MPRIP: variants seen among roughly 807,000 people sequenced by gnomAD.
MPRIP encodes myosin phosphatase Rho-interacting protein.
MPRIP carries 59 observed loss-of-function variants against 234.9 expected under a neutral mutation model. That is an observed-to-expected ratio of 0.25 (90% CI 0.20 to 0.31). The LOEUF (loss-of-function observed/expected upper bound fraction) is 0.31. Among genes scored for constraint, MPRIP ranks in the 10% least tolerant of loss-of-function variants. The pLI is 1.00. For synonymous variants in MPRIP, 1,144 were observed against 1,263.9 expected (o/e 0.91, Z 2.01); for missense variants, 2,436 against 3,071.0 (o/e 0.79, Z 4.89).
At chr17:17,119,421 A>T (rs866870406) in intron 3 of MPRIP, among the ~76,000 whole-genome samples, 8 of 152,216 alleles carry the variant, frequency 5.3e-5, no homozygotes, top group Non-Finnish European at 1.0e-4. Context: ...TGTGCAAACA[A>T]TTGTTAAGTC....
At chr17:17,080,213 A>G (rs2089430947) in intron 3 of MPRIP, among the ~76,000 whole-genome samples, 8 of 152,126 alleles carry the variant, frequency 5.3e-5, no homozygotes, top group Admixed American at 5.2e-4. Flanking sequence ...GTCACAGGGG[A>G]AGGTTGCAAG....
intron 3 of MPRIP, among the ~76,000 whole-genome samples, chr17:17,111,726 T>TA (rs1234248825): frequency 6.6e-6 from 1 of 152,190 alleles, no homozygotes; most frequent in Non-Finnish European, 1.5e-5. Flanking sequence ...ACTCAGCTGT[T>TA]ACGGGCGGTA....
Position 17,165,882 on chromosome 17 carries a change from G to C in MPRIP, c.4291G>C (p.Glu1431Gln), listed in dbSNP as rs1399985195. ...QWAGTEAQLR[E>Q]QLRASLLQVG... Reference sequence around the variant, plus strand: ...GGCGGGCACCGAGGCCCAGCTGCGTGAGCAGCTCCGCGCCAGCCTGCTCCA... The same window carrying C: ...GGCGGGCACCGAGGCCCAGCTGCGTCAGCAGCTCCGCGCCAGCCTGCTCCA... Residue 1431 changes from glutamate to glutamine, a missense_variant, in exon 16 of 24, where the codon GAG becomes CAG. Transcript: ENST00000651222. 1 of 1,303,994 alleles carries C rather than the reference G, an allele frequency of 7.7e-7. No homozygotes were observed. The highest frequency in any genetic ancestry group is 1.2e-5 in the South Asian group (1 of 80,986). The allele number at this position is 1,303,994 out of a possible 1,614,324, so 80.8% of individuals were successfully genotyped here.
At chr17:17,119,436 G>A (rs2090347403) in intron 3 of MPRIP, among the ~76,000 whole-genome samples, 1 of 152,238 alleles carries the variant, frequency 6.6e-6, no homozygotes, top group South Asian at 2.1e-4. Flanking sequence ...TAAGTCCAGG[G>A]AGGAAAGATG....
chr17:17,152,084 C>T (rs141028871), intron 12 of MPRIP, among the ~76,000 whole-genome samples: 2 of 152,366 alleles, frequency 1.3e-5, no homozygotes, highest in African/African-American at 4.8e-5. Flanking sequence ...AAATCCTGGC[C>T]GCCAGCCCAC....
intron 4 of MPRIP, among the ~76,000 whole-genome samples, chr17:17,128,757 TGC>T (rs1279694633): frequency 2.0e-5 from 3 of 152,210 alleles, no homozygotes; most frequent in Non-Finnish European, 4.4e-5. Flanking sequence ...GATGCTCAGC[TGC>T]GTGAGGGAGT....
At chr17:17,135,027 A>G (rs2090667315) in intron 5 of MPRIP, among the ~76,000 whole-genome samples, 2 of 152,232 alleles carry the variant, frequency 1.3e-5, no homozygotes, top group South Asian at 4.1e-4. Flanking sequence ...GGAAGTGGGC[A>G]CTTGTATATC....
chr17:17,116,145 GA>G (rs2090281598), intron 3 of MPRIP, among the ~76,000 whole-genome samples: 1 of 152,212 alleles, frequency 6.6e-6, no homozygotes, highest in Non-Finnish European at 1.5e-5. Context: ...GCACATATTG[GA>G]AGGTGCTGAC....
rs71355536 is a variant in MPRIP, at chr17:17,082,285, A to ATTTTTTT, written c.267+4230_267+4236dup. 4.0e-3 allele frequency among the ~76,000 whole-genome samples: 352 copies of ATTTTTTT among 88,700 alleles called. 26 individuals are homozygous for ATTTTTTT. Among genetic ancestry groups the ATTTTTTT allele is most frequent in the African/African-American group, 0.013 (283 of 21,730 alleles). 58.2% of individuals were successfully genotyped at this position (88,700 alleles called of 152,430 possible). A position where few individuals can be genotyped will look rare whatever the true frequency, so the allele number is the denominator to read the frequency against. On this transcript the variant is annotated intron_variant, in intron 3 of 23. Coordinates refer to ENST00000651222, the MANE Select transcript of MPRIP (RefSeq NM_001364716.4). Reference sequence around the variant, plus strand: ...AAAAGCTGATCAAATGCTTTTTCCAATTTTTTTTTTTTTTTTTTTTTTTTT... The same window carrying ATTTTTTT: ...AAAAGCTGATCAAATGCTTTTTCCAATTTTTTTTTTTTTTTTTTTTTTTTTTTTTTTT...
intron 3 of MPRIP, chr17:17,096,795 C>T (rs1401155721): frequency 4.2e-6 from 2 of 471,054 alleles, no homozygotes; most frequent in African/African-American, 2.0e-5. Flanking sequence ...CTCCTTGGGG[C>T]CTGGGGAAAC....
chr17:17,143,095 G>A (rs544149926), intron 8 of MPRIP, among the ~76,000 whole-genome samples: 3 of 152,216 alleles, frequency 2.0e-5, no homozygotes, highest in Non-Finnish European at 2.9e-5. Flanking sequence ...TACACCCCTC[G>A]TTTCTCCACT....
At chr17:17,136,194 C>CA (rs1261822752) in intron 5 of MPRIP, 25 bp from the exon 6 acceptor site, 1 of 1,613,596 alleles carries the variant, frequency 6.2e-7, no homozygotes, top group Non-Finnish European at 8.5e-7. Context: ...TGCACCTTCA[C>CA]AGACACCACT....
In MPRIP at chr17:17,152,673, G is replaced by T. The variant is rs551167288; in HGVS notation, c.1720-1633G>T. 3.3e-5 allele frequency among the ~76,000 whole-genome samples: 5 copies of T among 152,356 alleles called. No homozygotes were observed. The East Asian group carries it at 5.8e-4, about 18-fold the overall frequency. On this transcript the variant is annotated intron_variant, in intron 12 of 23. Coordinates refer to ENST00000651222, the MANE Select transcript of MPRIP (RefSeq NM_001364716.4). ...GCTAGAGTGCTGGGTGGAGAGTCAG[G>T]TTGGCGCTGGTCCAGCCTTTGTGGA... is the stretch of plus-strand genomic sequence containing the variant.
chr17:17,102,646 A>G (rs1217697634), intron 3 of MPRIP, among the ~76,000 whole-genome samples: 1 of 151,946 alleles, frequency 6.6e-6, no homozygotes, highest in Non-Finnish European at 1.5e-5. Flanking sequence ...TGCGCTTGGT[A>G]TACACACCCC....
chr17:17,134,797 C>T (rs1051593355), intron 5 of MPRIP, among the ~76,000 whole-genome samples: 24 of 152,208 alleles, frequency 1.6e-4, no homozygotes, highest in African/African-American at 5.3e-4. Flanking sequence ...CTTCTGTCAG[C>T]GCCTGCGGCC....
chr17:17,056,511 C>G (rs1410838693), intron 1 of MPRIP, among the ~76,000 whole-genome samples: 1 of 152,068 alleles, frequency 6.6e-6, no homozygotes, highest in African/African-American at 2.4e-5. Flanking sequence ...GGCCAGGAGC[C>G]CAGTGGGAGT....
intron 3 of MPRIP, among the ~76,000 whole-genome samples, chr17:17,120,205 T>G (rs999839482): frequency 2.6e-5 from 4 of 152,208 alleles, no homozygotes; most frequent in Non-Finnish European, 2.9e-5. Context: ...AAACAGCCTC[T>G]CACCATATTT....
chr17:17,123,858 C>T (rs2090441782), intron 3 of MPRIP, among the ~76,000 whole-genome samples: 1 of 151,920 alleles, frequency 6.6e-6, no homozygotes, highest in Admixed American at 6.6e-5. Flanking sequence ...TCTTTGATAA[C>T]GTATTTACCC....
At chr17:17,128,881 C>G (rs1362232599) in intron 4 of MPRIP, among the ~76,000 whole-genome samples, 3 of 151,940 alleles carry the variant, frequency 2.0e-5, no homozygotes, top group Non-Finnish European at 4.4e-5. Flanking sequence ...TTGCCTCCCT[C>G]TGTTTCCCAT....
Sources: gnomAD v4.1 joint callset for allele counts (sites outside exome capture counted in the v4.1 genomes callset) on GRCh38, gnomAD v4.1.1 for gene constraint, MANE v1.5 for transcripts, NCBI Gene and HGNC (gene_info 2026-07-23, HGNC 2026-07-21) for gene names.